Variants in SKIL observed in about 807,000 individuals in gnomAD.
SKIL encodes ski-like protein.
In SKIL, 20 loss-of-function variants were observed where a neutral mutation model predicts 69.6. That is an observed-to-expected ratio of 0.29 (90% CI 0.20 to 0.42). The LOEUF (loss-of-function observed/expected upper bound fraction) is 0.42, where lower values mean the gene tolerates loss of function less well. SKIL is among the 10% of genes least tolerant of loss of function. SKIL has a pLI of 1.00. For missense variants in SKIL, 745 were observed against 783.1 expected, an observed-to-expected ratio of 0.95 and a Z score of 0.58; for synonymous variants, 310 against 279.9, an observed-to-expected ratio of 1.11 and a Z score of -1.08.
rs1234193472 is a variant in SKIL, at chr3:170,393,883, A to T, written c.*1466A>T. On this transcript the variant is annotated 3_prime_UTR_variant, in exon 7 of 7. Transcript: ENST00000259119. The stretch of plus-strand genomic sequence containing the variant: ...AAGGTAGATAATCTAATGGTGTAGA[A>T]AGAATCACTAGGTTGTCATTTAACC... The T allele has an allele frequency of 6.6e-6, 1 of 152,088 alleles. No individual in the cohort carries two copies. Among genetic ancestry groups the T allele is most frequent in the Non-Finnish European group, 1.5e-5 (1 of 67,976 alleles). The allele number at this position is 152,088 out of a possible 1,614,324, so 9.4% of individuals were successfully genotyped here. A position where few individuals can be genotyped will look rare whatever the true frequency, so the allele number is the denominator to read the frequency against.
In SKIL at chr3:170,360,512, C is replaced by T. The variant is rs1406430973; in HGVS notation, c.181C>T (p.Pro61Ser). 3 of 1,614,072 alleles carry T rather than the reference C, an allele frequency of 1.9e-6. No homozygotes were observed. The Admixed American group carries it at 5.0e-5, about 27-fold the overall frequency. Residue 61 changes from proline (P) to serine (S), a missense_variant, in exon 2 of 7, where the codon CCA (proline) becomes TCA (serine). Pro to Ser is a moderately conservative substitution (Grantham distance 74). Transcript: ENST00000259119. ...KEHLDDYGEA[P>S]VETDGEHVKR... is the part of the protein sequence containing the mutation. Reference sequence around the variant, plus strand: ...ACACTTGGATGACTATGGAGAAGCACCAGTGGAAACTGATGGAGAGCATGT... The same window carrying T: ...ACACTTGGATGACTATGGAGAAGCATCAGTGGAAACTGATGGAGAGCATGT...
intron 2 of SKIL, among the ~76,000 whole-genome samples, chr3:170,362,949 TTAAA>T (rs1397947302): frequency 6.6e-6 from 1 of 151,166 alleles, no homozygotes; most frequent in African/African-American, 2.4e-5. Flanking sequence ...ATTGGGATTA[TTAAA>T]TATTTAGTTT....
At chr3:170,374,020 GCT>G (rs1736911063) in intron 2 of SKIL, among the ~76,000 whole-genome samples, 1 of 152,110 alleles carries the variant, frequency 6.6e-6, no homozygotes, top group African/African-American at 2.4e-5. Flanking sequence ...ATGAAATCAA[GCT>G]CTCTAAATTA....
intron 2 of SKIL, among the ~76,000 whole-genome samples, chr3:170,373,581 A>C (rs1736886778): frequency 1.3e-5 from 2 of 152,210 alleles, no homozygotes; most frequent in African/African-American, 4.8e-5. Flanking sequence ...TTAGTTCATT[A>C]ATGTTTGTCA....
At chr3:170,381,737 A>G (rs1274046946) in intron 3 of SKIL, among the ~76,000 whole-genome samples, 5 of 151,942 alleles carry the variant, frequency 3.3e-5, no homozygotes, top group Non-Finnish European at 7.4e-5. Context: ...CTGACCACGA[A>G]TTTATTTCTT....
intron 2 of SKIL, among the ~76,000 whole-genome samples, chr3:170,368,482 G>A (rs1489305484): frequency 6.6e-6 from 1 of 152,004 alleles, no homozygotes; most frequent in Non-Finnish European, 1.5e-5. Context: ...TTTTAAAGAT[G>A]GCTTAACCTT....
intron 1 of SKIL, among the ~76,000 whole-genome samples, chr3:170,358,081 C>G (rs879766466): frequency 2.6e-5 from 4 of 152,148 alleles, no homozygotes; most frequent in Non-Finnish European, 4.4e-5. Context: ...CCGTCACCGC[C>G]CCCCTCCCCC....
chr3:170,395,986 T>C lies in SKIL; in HGVS notation c.*3569T>C, dbSNP rs1404793760. 6.6e-6 allele frequency: 1 copy of C among 150,646 alleles called. No individual in the cohort carries two copies. Among genetic ancestry groups the C allele is most frequent in the East Asian group, 1.9e-4 (1 of 5,140 alleles). The allele number at this position is 150,646 out of a possible 1,614,324, so 9.3% of individuals were successfully genotyped here. On this transcript the variant is annotated 3_prime_UTR_variant, in exon 7 of 7. Coordinates refer to ENST00000259119, the MANE Select transcript of SKIL (RefSeq NM_005414.5). Reference sequence around the variant, plus strand: ...GGAAGAAAAGTGTATTAGTATTTTATATTGCATTTCATTTAAAAGGACAGT... The same window carrying C: ...GGAAGAAAAGTGTATTAGTATTTTACATTGCATTTCATTTAAAAGGACAGT...
At chr3:170,358,909 T>C (rs148093305) in intron 1 of SKIL, among the ~76,000 whole-genome samples, 89 of 152,318 alleles carry the variant, frequency 5.8e-4, no homozygotes, top group African/African-American at 2.0e-3. Flanking sequence ...AATTTTTGCC[T>C]GCAGTCATTC....
At chr3:170,391,345 GA>G in intron 6 of SKIL, 85 bp downstream of exon 6, 1 of 762,950 alleles carries the variant, frequency 1.3e-6, no homozygotes, top group Non-Finnish European at 2.1e-6. Flanking sequence ...TTGAGACAGA[GA>G]CTGCTCTGTC....
intron 2 of SKIL, among the ~76,000 whole-genome samples, chr3:170,367,800 T>TA (rs1394542706): frequency 2.0e-5 from 3 of 152,190 alleles, no homozygotes; most frequent in African/African-American, 7.2e-5. Context: ...TAGACTGGAC[T>TA]ACTCTTAGGT....
At chr3:170,388,858 A>T (rs1346953000) in intron 4 of SKIL, among the ~76,000 whole-genome samples, 1 of 143,478 alleles carries the variant, frequency 7.0e-6, no homozygotes, top group Non-Finnish European at 1.5e-5. Context: ...ATATTTATTT[A>T]TGTATTTATT....
At chr3:170,382,768 G>A (rs1488062783) in intron 3 of SKIL, among the ~76,000 whole-genome samples, 1 of 149,336 alleles carries the variant, frequency 6.7e-6, no homozygotes, top group Non-Finnish European at 1.5e-5. Context: ...GCCCAGGCTG[G>A]AGTGCAATGG....
At chr3:170,375,555 A>G (rs564414974) in intron 2 of SKIL, among the ~76,000 whole-genome samples, 3 of 152,214 alleles carry the variant, frequency 2.0e-5, no homozygotes, top group South Asian at 4.2e-4. Context: ...ATATAAATCA[A>G]TTTTAGTAAT....
chr3:170,364,153 A>G (rs994106674), intron 2 of SKIL, among the ~76,000 whole-genome samples: 1 of 151,758 alleles, frequency 6.6e-6, no homozygotes, highest in Non-Finnish European at 1.5e-5. Flanking sequence ...GGGTTTCACC[A>G]TGTTGCCCAG....
chr3:170,362,503 A>C (rs750747590), intron 2 of SKIL, among the ~76,000 whole-genome samples: 2 of 139,712 alleles, frequency 1.4e-5, no homozygotes, highest in Non-Finnish European at 3.1e-5. Flanking sequence ...TCCATCAAAA[A>C]ACAAAACAAA....
chr3:170,369,048 A>G (rs1410206181), intron 2 of SKIL, among the ~76,000 whole-genome samples: 1 of 149,146 alleles, frequency 6.7e-6, no homozygotes, highest in African/African-American at 2.5e-5. Context: ...CATTCTGTTA[A>G]TAACAGGATA....
intron 2 of SKIL, among the ~76,000 whole-genome samples, chr3:170,369,953 T>C (rs535656223): frequency 1.3e-5 from 2 of 152,218 alleles, no homozygotes; most frequent in East Asian, 3.9e-4. Context: ...TGTGATTTGC[T>C]TCCGGCTGCG....
intron 3 of SKIL, among the ~76,000 whole-genome samples, chr3:170,383,275 C>T (rs1035354443): frequency 1.3e-5 from 2 of 152,048 alleles, no homozygotes; most frequent in African/African-American, 2.4e-5. Context: ...GTCTTTTGAG[C>T]CCTATTAAAC....
Sources: allele counts gnomAD v4.1 joint callset (sites outside exome capture counted in the v4.1 genomes callset), GRCh38; gene constraint gnomAD v4.1.1; transcripts MANE v1.5; gene names NCBI Gene and HGNC (gene_info 2026-07-23, HGNC 2026-07-21).